The following LARP7 variants were observed in gnomAD, a reference collection of about 807,000 sequenced individuals.
The protein encoded by LARP7 is la-related protein 7.
In LARP7, 52 loss-of-function variants were observed where a neutral mutation model predicts 69.3. The observed-to-expected ratio is 0.75, with a 90% CI of 0.60 to 0.95. The LOEUF (loss-of-function observed/expected upper bound fraction) is 0.95, where lower values mean the gene tolerates loss of function less well. Ranked by LOEUF, LARP7 falls within the 40% of genes least tolerant of loss-of-function variation. The pLI is 0.00. For synonymous variants in LARP7, 254 were observed against 215.9 expected (o/e 1.18, Z -1.55); for missense variants, 733 against 673.0 (o/e 1.09, Z -0.99).
chr4:112,650,456 A>T lies in LARP7; in HGVS notation c.1295-5A>T, dbSNP rs779266957. On this transcript the variant is annotated splice_polypyrimidine_tract_variant and splice_region_variant and intron_variant, in intron 9 of 12. Transcript: ENST00000344442. Reference sequence around the variant, plus strand: ...TAGTCCTGGTCTTTTTCCTTTTCTAATCAGCAGCCAACAGGGAAGAGTGTC... The same window carrying T: ...TAGTCCTGGTCTTTTTCCTTTTCTATTCAGCAGCCAACAGGGAAGAGTGTC... 2.5e-6 allele frequency: 4 copies of T among 1,613,272 alleles called. No homozygotes were observed. In the East Asian group the frequency reaches 6.7e-5, roughly 27 times the overall value.
intron 8 of LARP7, chr4:112,648,410 A>G (rs778812652): frequency 9.4e-6 from 5 of 534,540 alleles, no homozygotes; most frequent in Non-Finnish European, 7.7e-6. Flanking sequence ...CACAGCAGGT[A>G]CCCCCATGTT....
intron 2 of LARP7, chr4:112,645,450 CGA>C (rs2048146839): frequency 6.6e-6 from 3 of 453,332 alleles, no homozygotes; most frequent in South Asian, 1.6e-5. Flanking sequence ...ATGTGTAACT[CGA>C]GAGTGCTATA....
intron 12 of LARP7, 33 bp from the exon 13 acceptor site, chr4:112,657,214 A>G (rs772827067): frequency 1.4e-5 from 16 of 1,148,980 alleles, no homozygotes; most frequent in South Asian, 1.2e-4. Flanking sequence ...TGAGTATCCA[A>G]TACATTTTAA....
chr4:112,647,409 G>C lies in LARP7; in HGVS notation c.857G>C (p.Ser286Thr). The change falls in exon 7 of 13, where the codon AGC (serine) becomes ACC (threonine). Residue 286 changes from serine to threonine, a missense_variant. Transcript: ENST00000344442. ...AAACGGGACAGAGTTGAAGCATCTA[G>C]CTTACCTGAAGTCAGAACAGGGAAG... ...KKKRDRVEAS[S>T]LPEVRTGKRK... 1.2e-6 allele frequency: 2 copies of C among 1,614,030 alleles called. No individual in the cohort carries two copies. The highest frequency in any genetic ancestry group is 1.3e-5 in the African/African-American group (1 of 75,008).
chr4:112,639,941 GTGTT>G (rs1486104135), intron 1 of LARP7, among the ~76,000 whole-genome samples: 1 of 151,974 alleles, frequency 6.6e-6, no homozygotes, highest in Admixed American at 6.6e-5. Flanking sequence ...GCCTACGTTT[GTGTT>G]TGTTCGTTTT....
chr4:112,643,366 G>A (rs967306734), intron 1 of LARP7, among the ~76,000 whole-genome samples: 1 of 152,190 alleles, frequency 6.6e-6, no homozygotes, highest in Non-Finnish European at 1.5e-5. Context: ...CTGGGGATAT[G>A]TGTTTCAAAG....
chr4:112,638,194 G>A (rs1456800336), intron 1 of LARP7, among the ~76,000 whole-genome samples: 1 of 152,150 alleles, frequency 6.6e-6, no homozygotes, highest in Non-Finnish European at 1.5e-5. Context: ...TACTCAAGAG[G>A]CTTGGTTGGG....
At chr4:112,651,422 C>T (rs750446589) in intron 10 of LARP7, among the ~76,000 whole-genome samples, 12 of 152,052 alleles carry the variant, frequency 7.9e-5, no homozygotes, top group Non-Finnish European at 1.6e-4. Flanking sequence ...AAGGATTTGG[C>T]CAAATCCAAA....
At chr4:112,657,218 A>G in intron 12 of LARP7, 29 bp from the exon 13 acceptor site, 1 of 1,232,940 alleles carries the variant, frequency 8.1e-7, no homozygotes, top group South Asian at 1.4e-5. Context: ...TATCCAATAC[A>G]TTTTAATTTT....
At chr4:112,645,123 T>C (rs2048126483) in intron 2 of LARP7, among the ~76,000 whole-genome samples, 1 of 151,834 alleles carries the variant, frequency 6.6e-6, no homozygotes, top group African/African-American at 2.4e-5. Context: ...ATTTTTGTAT[T>C]TTCAGTAGAG....
chr4:112,648,131 T>TTAA (rs1341969586), intron 8 of LARP7: 1 of 533,120 alleles, frequency 1.9e-6, no homozygotes, highest in Non-Finnish European at 3.8e-6. Flanking sequence ...CTGCGGTCAA[T>TTAA]ACAATAAAGT....
rs2048683622 is a variant in LARP7 at position 112,650,607 on chromosome 4, ATTTG to A, written c.1416+28_1416+31del. On this transcript the variant is annotated intron_variant, in intron 10 of 12. Coordinates refer to ENST00000344442, the MANE Select transcript of LARP7 (RefSeq NM_016648.4). ...GGTAATGATTTTGAGCCCCTAGGGT[ATTTG>A]TTCCTTTCTTCTCTTATTATTTCCC... The A allele has an allele frequency of 2.5e-6, 4 of 1,594,872 alleles. No individual in the cohort carries two copies. In the East Asian group the frequency reaches 9.0e-5, roughly 36 times the overall value.
chr4:112,648,509 T>A (rs775698536), intron 8 of LARP7: 2 of 534,442 alleles, frequency 3.7e-6, no homozygotes, highest in Non-Finnish European at 7.7e-6. Context: ...ATGGAAGCAC[T>A]TACTTTTAAA....
rs1021574200 is a variant in LARP7 at position 112,644,308 on chromosome 4, G to T, written c.-2-360G>T. The T allele has an allele frequency of 6.9e-5, 21 of 304,892 alleles. 1 individual carries two copies. Among genetic ancestry groups the T allele is most frequent in the South Asian group, 6.4e-4 (4 of 6,250 alleles). 18.9% of individuals were successfully genotyped at this position (304,892 alleles called of 1,614,324 possible). On this transcript the variant is annotated intron_variant, in intron 1 of 12. Transcript: ENST00000344442. ...GCGGGGGCGGGGGGGTGTTGCGATG[G>T]AGAGGAGGGGGTGTTGCGATGGAGA...
chr4:112,642,659 C>A (rs2048007386), intron 1 of LARP7, among the ~76,000 whole-genome samples: 1 of 152,190 alleles, frequency 6.6e-6, no homozygotes, highest in East Asian at 1.9e-4. Flanking sequence ...CTTCATCCCA[C>A]CAGAGGCCAC....
rs768113172 is a variant in LARP7, at chr4:112,647,279, A to G, written c.727A>G (p.Thr243Ala). ...NIQAKEENMD[T>A]SNTSISKMKR... ...CCAAGCCAAAGAAGAAAACATGGAC[A>G]CAAGCAACACCAGCATCAGTAAAAT... Residue 243 changes from threonine (T) to alanine (A), a missense_variant, in exon 7 of 13, where the codon ACA becomes GCA. Transcript: ENST00000344442. The G allele has an allele frequency of 6.2e-7, 1 of 1,613,790 alleles. No individual in the cohort carries two copies. Among genetic ancestry groups the G allele is most frequent in the Admixed American group, 1.7e-5 (1 of 59,974 alleles).
chr4:112,639,394 T>C (rs2047865130), intron 1 of LARP7, among the ~76,000 whole-genome samples: 1 of 151,816 alleles, frequency 6.6e-6, no homozygotes, highest in Non-Finnish European at 1.5e-5. Flanking sequence ...CTTTTCTTTT[T>C]TCTTTTTTTG....
intron 9 of LARP7, chr4:112,649,972 T>G (rs1436356087): frequency 4.7e-6 from 1 of 210,812 alleles, no homozygotes; most frequent in Non-Finnish European, 9.4e-6. Flanking sequence ...TTTGTAGGAA[T>G]GAAGATTGTA....
At position 112,646,980 on chromosome 4, in the gene LARP7, AAAAG is replaced by A. The variant is rs200391611; in HGVS notation, c.552+33_552+36del. The A allele has an allele frequency of 0.019, 30,385 of 1,576,820 alleles. 2,241 individuals are homozygous for A. The African/African-American group carries it at 0.3, about 15-fold the overall frequency. ...GGTAAGTCCAGATCCTAAAAAAAAA[AAAAG>A]AAAGAAAAGAAAACAAGTATTAAAA... is the stretch of plus-strand genomic sequence containing the variant. On this transcript the variant is annotated intron_variant, in intron 5 of 12. Transcript: ENST00000344442.
Sources: gnomAD v4.1 joint callset for allele counts (sites outside exome capture counted in the v4.1 genomes callset) on GRCh38, gnomAD v4.1.1 for gene constraint, MANE v1.5 for transcripts, NCBI Gene and HGNC (gene_info 2026-07-23, HGNC 2026-07-21) for gene names.